DMAP1: variants seen among roughly 807,000 people sequenced by gnomAD.
DMAP1 encodes the protein DNA methyltransferase 1-associated protein 1.
Under a neutral mutation model 52.7 loss-of-function variants are expected in DMAP1, and 26 were observed. The observed-to-expected ratio is 0.49, with a 90% CI of 0.36 to 0.68. The LOEUF (loss-of-function observed/expected upper bound fraction) is 0.68, where lower values mean the gene tolerates loss of function less well. Among genes scored for constraint, DMAP1 ranks in the 30% least tolerant of loss-of-function variants. The pLI, the probability that DMAP1 is intolerant of heterozygous loss-of-function variation, is 0.00. For missense variants in DMAP1, 439 were observed against 625.2 expected, an observed-to-expected ratio of 0.70 and a Z score of 3.18; for synonymous variants, 231 against 246.0, an observed-to-expected ratio of 0.94 and a Z score of 0.57.
intron 3 of DMAP1, 61 bp downstream of exon 3, chr1:44,214,959 G>A (rs554570187): frequency 2.7e-5 from 43 of 1,593,294 alleles, no homozygotes; most frequent in Admixed American, 2.6e-4. Flanking sequence ...CCATTTGTGC[G>A]AGCTCTCCAG....
chr1:44,215,549 A>C (rs1461361395), intron 3 of DMAP1: 2 of 332,220 alleles, frequency 6.0e-6, no homozygotes, highest in Non-Finnish European at 1.2e-5. Flanking sequence ...GGAGTCTTTC[A>C]AATAAGAGCC....
At position 44,213,948 on chromosome 1, in the gene DMAP1, C is replaced by T. The variant is rs559125508; in HGVS notation, c.105+90C>T. On this transcript the variant is annotated intron_variant, in intron 1 of 9. Coordinates refer to ENST00000372289, the MANE Select transcript of DMAP1 (RefSeq NM_019100.5). This position sits in a 1 kb window ranked among gnomAD's most constrained non-coding sequence, Gnocchi z 4.5. ...CAACGGGCAAGGGATGGGTGCTACA[C>T]TTACAGTGAGTTGGGCGATAAAAGG... is the stretch of plus-strand genomic sequence containing the variant. The T allele has an allele frequency of 8.4e-7, 1 of 1,185,808 alleles. No homozygotes were observed. The highest frequency in any genetic ancestry group is 2.6e-5 in the East Asian group (1 of 39,070). 73.5% of individuals were successfully genotyped at this position (1,185,808 alleles called of 1,614,324 possible). A position where few individuals can be genotyped will look rare whatever the true frequency, so the allele number is the denominator to read the frequency against.
At chr1:44,219,316 C>G in intron 6 of DMAP1, 75 bp downstream of exon 6, 1 of 1,567,788 alleles carries the variant, frequency 6.4e-7, no homozygotes, top group South Asian at 1.2e-5. Flanking sequence ...GTGGAGGGTT[C>G]TGAGAGTACC....
chr1:44,214,149 G>A (rs1369402623), intron 1 of DMAP1, among the ~76,000 whole-genome samples: 1 of 152,224 alleles, frequency 6.6e-6, no homozygotes, highest in South Asian at 2.1e-4. Context: ...AACAGTCTGA[G>A]AGTTGGTGGG....
chr1:44,220,446 A>C, intron 9 of DMAP1, 113 bp from the exon 10 acceptor site: 1 of 1,589,696 alleles, frequency 6.3e-7, no homozygotes, highest in Non-Finnish European at 8.6e-7. Context: ...GACTGAGGGT[A>C]GGAGTGGGTT....
rs1480032714 is a variant in DMAP1 at position 44,213,865 on chromosome 1, G to C, written c.105+7G>C. ...CATTATCAACCCGGACAAGGTAGCA[G>C]GGGCACCTGAAAGCGTTGACTAGGG... On this transcript the variant is annotated splice_region_variant and intron_variant, in intron 1 of 9. Coordinates refer to ENST00000372289, the MANE Select transcript of DMAP1 (RefSeq NM_019100.5). The surrounding 1 kb of genome is among the most constrained non-coding windows in gnomAD (Gnocchi z 4.5). The C allele has an allele frequency of 6.4e-7, 1 of 1,574,714 alleles. No homozygotes were observed. The highest frequency in any genetic ancestry group is 8.6e-7 in the Non-Finnish European group (1 of 1,160,394).
chr1:44,216,499 G>C (rs939353326), intron 3 of DMAP1: 1 of 152,178 alleles, frequency 6.6e-6, no homozygotes, highest in Non-Finnish European at 1.5e-5. Flanking sequence ...CAAAGTATTG[G>C]GATTACAGGC....
Position 44,219,199 on chromosome 1 carries a change from C to A in DMAP1, c.864C>A (p.Ala288=). The A allele has an allele frequency of 6.2e-7, 1 of 1,613,660 alleles. No individual in the cohort carries two copies. The highest frequency in any genetic ancestry group is 8.5e-7 in the Non-Finnish European group (1 of 1,179,916). The change falls in exon 6 of 10, where the codon GCC becomes GCA. Residue 288 remains alanine (A), a synonymous_variant. Transcript: ENST00000372289. ...TAEQRRTERK[A]PKKKLPQKKE... Reference sequence around the variant, plus strand: ...AGCAGCGGCGCACGGAACGCAAGGCCCCCAAAAAGAAGCTACCCCAGAAAA... The same window carrying A: ...AGCAGCGGCGCACGGAACGCAAGGCACCCAAAAAGAAGCTACCCCAGAAAA...
chr1:44,217,126 A>T (rs1643810062), intron 3 of DMAP1: 1 of 152,254 alleles, frequency 6.6e-6, no homozygotes, highest in Non-Finnish European at 1.5e-5. Flanking sequence ...ATACAAGTCC[A>T]TGTTTCTTCA....
At position 44,218,147 on chromosome 1, in the gene DMAP1, AG is replaced by A. The variant is rs1643831649; in HGVS notation, c.394-162del. 1 of 900,080 alleles carries A rather than the reference AG, an allele frequency of 1.1e-6. No homozygotes were observed. Among genetic ancestry groups the A allele is most frequent in the Non-Finnish European group, 1.8e-6 (1 of 546,128 alleles). 55.8% of individuals were successfully genotyped at this position (900,080 alleles called of 1,614,324 possible). ...GCAGGCTACAGTCCCAAACCCTGCTAGGACCTCTAGTCAAGCAGACAAGTTC... is the reference window on the plus strand; with the variant it reads ...GCAGGCTACAGTCCCAAACCCTGCTAGACCTCTAGTCAAGCAGACAAGTTC... On this transcript the variant is annotated intron_variant, in intron 3 of 9. Coordinates refer to ENST00000372289, the MANE Select transcript of DMAP1 (RefSeq NM_019100.5). The surrounding 1 kb of genome is among the most constrained non-coding windows in gnomAD (Gnocchi z 5.6).
chr1:44,218,441 A>G lies in DMAP1; in HGVS notation c.524A>G (p.His175Arg), dbSNP rs1425048893. ...TTTGACCTGCGTTTTGTTGTTATCC[A>G]TGACCGGTATGACCACCAGCAGTTC... Reference protein sequence around the residue: ...RRFDLRFVVIHDRYDHQQFKK... With the variant: ...RRFDLRFVVIRDRYDHQQFKK... The change falls in exon 4 of 10, where the codon CAT becomes CGT. Residue 175 changes from histidine (H) to arginine (R), a missense_variant. By Grantham distance (29) the His-to-Arg change is conservative. Around this residue, in one of 3 missense-constraint regions of DMAP1, gnomAD observed 142 missense variants for 149.5 expected, o/e 0.95. Transcript: ENST00000372289. This position sits in a 1 kb window ranked among gnomAD's most constrained non-coding sequence, Gnocchi z 5.6. 3.1e-6 allele frequency: 5 copies of G among 1,614,082 alleles called. No individual in the cohort carries two copies. The highest frequency in any genetic ancestry group is 1.7e-5 in the Admixed American group (1 of 60,008).
At chr1:44,216,301 C>G (rs1481275430) in intron 3 of DMAP1, 1 of 151,890 alleles carries the variant, frequency 6.6e-6, no homozygotes, top group Admixed American at 6.6e-5. Context: ...GTGATCTCAG[C>G]TCATTGCATC....
rs803369 is a variant in DMAP1, at chr1:44,213,884, A to G, written c.105+26A>G. 999,667 of 1,557,270 alleles carry G rather than the reference A, an allele frequency of 0.64. 324,456 individuals are homozygous for G. The highest frequency in any genetic ancestry group is 0.88 in the African/African-American group (64,285 of 73,316). ...GTAGCAGGGGCACCTGAAAGCGTTG[A>G]CTAGGGGAGGGTAGGGGAGTGAAGA... On this transcript the variant is annotated intron_variant, in intron 1 of 9. Coordinates refer to ENST00000372289, the MANE Select transcript of DMAP1 (RefSeq NM_019100.5). This position sits in a 1 kb window ranked among gnomAD's most constrained non-coding sequence, Gnocchi z 4.5.
At chr1:44,219,351 A>C in intron 6 of DMAP1, 55 bp from the exon 7 acceptor site, 1 of 1,547,872 alleles carries the variant, frequency 6.5e-7, no homozygotes, top group South Asian at 1.3e-5. Context: ...TGCTAGGACT[A>C]ACCCTGGGCC....
chr1:44,214,616 G>T, intron 2 of DMAP1, 87 bp from the exon 3 acceptor site: 4 of 1,613,356 alleles, frequency 2.5e-6, no homozygotes, highest in African/African-American at 1.3e-5. Context: ...CTTGCTATAG[G>T]GTAGGGTAGA....
In DMAP1 at chr1:44,218,871, T is replaced by A; in HGVS notation, c.720+116T>A. On this transcript the variant is annotated intron_variant, in intron 5 of 9. Coordinates refer to ENST00000372289, the MANE Select transcript of DMAP1 (RefSeq NM_019100.5). The surrounding 1 kb of genome is among the most constrained non-coding windows in gnomAD (Gnocchi z 5.6). ...CCCCCTGCCTCCCACTGATACCTTA[T>A]TAACTGCCCCAAGCCCATTCCTACT... is the stretch of plus-strand genomic sequence containing the variant. The A allele has an allele frequency of 6.9e-7, 1 of 1,456,506 alleles. No homozygotes were observed. Among genetic ancestry groups the A allele is most frequent in the Non-Finnish European group, 9.3e-7 (1 of 1,077,190 alleles). 90.2% of individuals were successfully genotyped at this position (1,456,506 alleles called of 1,614,324 possible).
In DMAP1 at chr1:44,218,741, C is replaced by T. The variant is rs368524464; in HGVS notation, c.706C>T (p.Arg236Trp). 6.3e-5 allele frequency: 102 copies of T among 1,608,546 alleles called. No homozygotes were observed. The highest frequency in any genetic ancestry group is 1.1e-4 in the East Asian group (5 of 44,758). The change falls in exon 5 of 10, where the codon CGG becomes TGG. Residue 236 changes from arginine to tryptophan, a missense_variant. By Grantham distance (101) the Arg-to-Trp change is moderately radical (BLOSUM62 -3). Transcript: ENST00000372289. This position sits in a 1 kb window ranked among gnomAD's most constrained non-coding sequence, Gnocchi z 5.6. ...GGAACAGCTTGAGCGTCTCTACAAC[C>T]GGACCCCAGAGCAGGTAAGCCCAAG... ...RKEQLERLYN[R>W]TPEQVAEEEY...
At chr1:44,215,500 T>C (rs998375877) in intron 3 of DMAP1, 34 of 339,310 alleles carry the variant, frequency 1.0e-4, no homozygotes, top group African/African-American at 6.9e-4. Flanking sequence ...ACAAAGAAGG[T>C]AGGGGAAAAC....
intron 2 of DMAP1, 45 bp from the exon 3 acceptor site, chr1:44,214,658 C>A (rs201623978): frequency 1.1e-5 from 17 of 1,612,768 alleles, no homozygotes; most frequent in Non-Finnish European, 1.4e-5. Context: ...CTCTTTAACA[C>A]ACCTTCTGAT....
Sources: allele counts gnomAD v4.1 joint callset (sites outside exome capture counted in the v4.1 genomes callset), GRCh38; gene constraint gnomAD v4.1.1; regional missense constraint gnomAD v4.1.1; non-coding constraint Gnocchi (gnomAD v3.1); transcripts MANE v1.5; gene names NCBI Gene and HGNC (gene_info 2026-07-23, HGNC 2026-07-21).